The following ERBB4 variants were observed in gnomAD, a reference collection of about 807,000 sequenced individuals.
ERBB4 encodes the protein erb-b2 receptor tyrosine kinase 4, also known as receptor tyrosine-protein kinase erbB-4.
Under a neutral mutation model 158.0 loss-of-function variants are expected in ERBB4, and 42 were observed. That is an observed-to-expected ratio of 0.27 (90% CI 0.21 to 0.34). The LOEUF (loss-of-function observed/expected upper bound fraction) is 0.34, where lower values mean the gene tolerates loss of function less well. Among genes scored for constraint, ERBB4 ranks in the 10% least tolerant of loss-of-function variants. The probability of loss-of-function intolerance (pLI) is 1.00; values close to 1 mark genes in which losing one functional copy is unlikely to be tolerated. For synonymous variants in ERBB4, 583 were observed against 558.7 expected (o/e 1.04, Z -0.61); for missense variants, 1,333 against 1,624.1 (o/e 0.82, Z 3.08).
intron 20 of ERBB4, among the ~76,000 whole-genome samples, chr2:211,514,073 T>C (rs1056592248): frequency 1.3e-5 from 2 of 152,152 alleles, no homozygotes; most frequent in African/African-American, 2.4e-5. Flanking sequence ...CTAGGACTTA[T>C]TCTTTCTATC....
chr2:211,718,741 A>G (rs1411475046), intron 7 of ERBB4, among the ~76,000 whole-genome samples: 1 of 152,038 alleles, frequency 6.6e-6, no homozygotes, highest in Non-Finnish European at 1.5e-5. Flanking sequence ...AAAAAAAAAC[A>G]TGGTATACCA....
rs180681675 is a variant in ERBB4 at position 212,031,929 on chromosome 2, G to T, written c.235-84313C>A. On this transcript the variant is annotated intron_variant, in intron 2 of 27. Coordinates refer to ENST00000342788, the MANE Select transcript of ERBB4 (RefSeq NM_005235.3). The stretch of plus-strand genomic sequence containing the variant: ...AACTATTTCCCGCTGCACAATCCCT[G>T]GTGAGTTTAGAGTAGGAGTTAAGAA... Among the ~76,000 whole-genome samples, 11 of 152,172 alleles carry T rather than the reference G, an allele frequency of 7.2e-5. No individual in the cohort carries two copies. The East Asian group carries it at 1.4e-3, about 19-fold the overall frequency.
At chr2:211,634,251 T>C (rs927645215) in intron 16 of ERBB4, among the ~76,000 whole-genome samples, 2 of 152,220 alleles carry the variant, frequency 1.3e-5, no homozygotes, top group Admixed American at 1.3e-4. Context: ...ATGTTTACTT[T>C]GCTTTTTTTT....
At chr2:211,785,797 T>C (rs2076148146) in intron 4 of ERBB4, among the ~76,000 whole-genome samples, 1 of 152,194 alleles carries the variant, frequency 6.6e-6, no homozygotes, top group Non-Finnish European at 1.5e-5. Flanking sequence ...GGTATCTGTT[T>C]CTTAAGCATT....
chr2:212,169,965 T>C (rs148745397), intron 1 of ERBB4, among the ~76,000 whole-genome samples: 137 of 152,240 alleles, frequency 9.0e-4, no homozygotes, highest in Non-Finnish European at 1.7e-3. Context: ...TATGTCTTTA[T>C]AGCAGTGTGA....
At chr2:211,902,127 A>T (rs906390779) in intron 3 of ERBB4, among the ~76,000 whole-genome samples, 5 of 152,042 alleles carry the variant, frequency 3.3e-5, no homozygotes, top group Non-Finnish European at 7.4e-5. Flanking sequence ...GATTGGTTTA[A>T]ATATGTGATC....
intron 1 of ERBB4, among the ~76,000 whole-genome samples, chr2:212,465,429 C>A (rs970379902): frequency 1.3e-5 from 2 of 152,098 alleles, no homozygotes; most frequent in Admixed American, 1.3e-4. Flanking sequence ...GAAGCAGAAT[C>A]AGAATGACAA....
chr2:212,169,255 A>T (rs1397068674), intron 1 of ERBB4, among the ~76,000 whole-genome samples: 1 of 152,252 alleles, frequency 6.6e-6, no homozygotes, highest in African/African-American at 2.4e-5. Flanking sequence ...CCTCACAAAG[A>T]AGAAAAATCT....
intron 20 of ERBB4, among the ~76,000 whole-genome samples, chr2:211,437,074 T>C (rs989025910): frequency 1.4e-4 from 21 of 152,256 alleles, no homozygotes; most frequent in African/African-American, 5.1e-4. Context: ...AAAGAAGTAT[T>C]TTAGGGTTAT....
At position 211,408,072 on chromosome 2, in the gene ERBB4, A is replaced by C. The variant is rs549752389; in HGVS notation, c.3135+12369T>G. The stretch of plus-strand genomic sequence containing the variant: ...TGGCCTGAACAGGGAGCTCTGGCAG[A>C]CAAAGATGGATTTGTAAAATAAATA... On this transcript the variant is annotated intron_variant, in intron 25 of 27. Coordinates refer to ENST00000342788, the MANE Select transcript of ERBB4 (RefSeq NM_005235.3). Among the ~76,000 whole-genome samples the C allele has an allele frequency of 5.3e-5, 8 of 151,952 alleles. No individual in the cohort carries two copies. The South Asian group carries it at 1.7e-3, about 32-fold the overall frequency.
intron 20 of ERBB4, among the ~76,000 whole-genome samples, chr2:211,455,009 T>G (rs2064344249): frequency 6.6e-6 from 1 of 152,246 alleles, no homozygotes; most frequent in Non-Finnish European, 1.5e-5. Context: ...AACCATTCTT[T>G]TGCTGAATGT....
intron 3 of ERBB4, among the ~76,000 whole-genome samples, chr2:211,901,265 G>A (rs1346636257): frequency 3.3e-5 from 5 of 152,212 alleles, no homozygotes; most frequent in Admixed American, 3.3e-4. Context: ...TTCTTCACCT[G>A]TAATGGCATT....
intron 2 of ERBB4, among the ~76,000 whole-genome samples, chr2:211,953,246 C>T (rs943148056): frequency 5.9e-5 from 9 of 151,780 alleles, no homozygotes; most frequent in African/African-American, 1.9e-4. Flanking sequence ...TAACAATGCC[C>T]TAGGGGAGGG....
intron 2 of ERBB4, among the ~76,000 whole-genome samples, chr2:211,989,820 T>G (rs2082027447): frequency 6.6e-6 from 1 of 152,000 alleles, no homozygotes; most frequent in Admixed American, 6.6e-5. Flanking sequence ...CAGCATTCAC[T>G]TTCCTAACTC....
chr2:212,536,743 G>A (rs1693090381), intron 1 of ERBB4, among the ~76,000 whole-genome samples: 1 of 152,122 alleles, frequency 6.6e-6, no homozygotes, highest in Non-Finnish European at 1.5e-5. Flanking sequence ...AAATTGCTGC[G>A]GACTCGGAGC....
Position 211,702,138 on chromosome 2 carries a change from G to C in ERBB4, c.1318C>G (p.Gln440Glu), listed in dbSNP as rs370646276. 1.9e-6 allele frequency: 3 copies of C among 1,613,984 alleles called. No individual in the cohort carries two copies. The highest frequency in any genetic ancestry group is 1.7e-6 in the Non-Finnish European group (2 of 1,180,008). Residue 440 changes from glutamine to glutamate, a missense_variant, in exon 12 of 28, where the codon CAG becomes GAG. Gln to Glu is a conservative substitution (Grantham distance 29, BLOSUM62 2). Coordinates refer to ENST00000342788, the MANE Select transcript of ERBB4 (RefSeq NM_005235.3). ...SGLSLLILKQ[Q>E]GITSLQFQSL... ...TGGAACTGTAGAGAGGTGATGCCCTGTTGCTTGAGGATAAGCAAGGACAGG... is the reference window on the plus strand; with the variant it reads ...TGGAACTGTAGAGAGGTGATGCCCTCTTGCTTGAGGATAAGCAAGGACAGG...
At chr2:212,354,967 C>T (rs1305380281) in intron 1 of ERBB4, among the ~76,000 whole-genome samples, 1 of 151,814 alleles carries the variant, frequency 6.6e-6, no homozygotes, top group Non-Finnish European at 1.5e-5. Context: ...AGGCCCAAGT[C>T]CCTGTCCTGA....
chr2:211,444,090 T>A (rs1327114906), intron 20 of ERBB4, among the ~76,000 whole-genome samples: 2 of 151,962 alleles, frequency 1.3e-5, no homozygotes, highest in Non-Finnish European at 2.9e-5. Context: ...ACCCTTACCA[T>A]CGTTAAAGTT....
At chr2:212,338,369 A>G (rs917865208) in intron 1 of ERBB4, among the ~76,000 whole-genome samples, 3 of 152,124 alleles carry the variant, frequency 2.0e-5, no homozygotes, top group Non-Finnish European at 2.9e-5. Flanking sequence ...GCTACAGATA[A>G]TTGGGATATG....
Sources: allele counts gnomAD v4.1 joint callset (sites outside exome capture counted in the v4.1 genomes callset), GRCh38; gene constraint gnomAD v4.1.1; transcripts MANE v1.5; gene names NCBI Gene and HGNC (gene_info 2026-07-23, HGNC 2026-07-21).